DLGAP2: variants seen among roughly 807,000 people sequenced by gnomAD.
DLGAP2 encodes the protein DLG associated protein 2.
Under a neutral mutation model 100.3 loss-of-function variants are expected in DLGAP2, and 26 were observed. The observed-to-expected ratio is 0.26, with a 90% CI of 0.19 to 0.36. The LOEUF (loss-of-function observed/expected upper bound fraction) is 0.36. Ranked by LOEUF, DLGAP2 falls within the 10% of genes least tolerant of loss-of-function variation. The probability of loss-of-function intolerance (pLI) is 1.00; values close to 1 mark genes in which losing one functional copy is unlikely to be tolerated. For synonymous variants in DLGAP2, 886 were observed against 630.1 expected (o/e 1.41, Z -6.08); for missense variants, 1,858 against 1,453.2 (o/e 1.28, Z -4.53).
At chr8:1,077,865 C>G (rs1381879503) in intron 2 of DLGAP2, among the ~76,000 whole-genome samples, 1 of 152,158 alleles carries the variant, frequency 6.6e-6, no homozygotes, top group East Asian at 1.9e-4. Context: ...GAGCTCACAG[C>G]TGTCTCAGCA....
chr8:894,808 T>C (rs1376840002), intron 1 of DLGAP2, among the ~76,000 whole-genome samples: 1 of 21,268 alleles, frequency 4.7e-5, no homozygotes. Context: ...AGCAGAGTGG[T>C]GGCTGGCAGG....
intron 3 of DLGAP2, among the ~76,000 whole-genome samples, chr8:1,269,598 A>G (rs902201776): frequency 6.6e-6 from 1 of 152,134 alleles, no homozygotes; most frequent in Non-Finnish European, 1.5e-5. Context: ...GGTACATCTA[A>G]CAATAATGTT....
chr8:888,920 G>A (rs1009851612), intron 1 of DLGAP2, among the ~76,000 whole-genome samples: 2 of 152,154 alleles, frequency 1.3e-5, no homozygotes, highest in African/African-American at 2.4e-5. Context: ...GGTTTTGTGT[G>A]AGCAATAAAG....
At chr8:1,356,634 A>C (rs1801858812) in intron 3 of DLGAP2, among the ~76,000 whole-genome samples, 1 of 152,196 alleles carries the variant, frequency 6.6e-6, no homozygotes, top group African/African-American at 2.4e-5. Flanking sequence ...GGGAAAACAG[A>C]CAGTGGGATA....
intron 3 of DLGAP2, among the ~76,000 whole-genome samples, chr8:1,285,513 C>G (rs151105629): frequency 6.6e-6 from 1 of 152,106 alleles, no homozygotes; most frequent in Admixed American, 6.5e-5. Flanking sequence ...GTGCAGGTAT[C>G]TGGTATCTGG....
chr8:1,410,085 G>C (rs1053773345), intron 3 of DLGAP2, among the ~76,000 whole-genome samples: 4 of 152,206 alleles, frequency 2.6e-5, no homozygotes, highest in African/African-American at 9.6e-5. Flanking sequence ...CACAAGCCAA[G>C]CGGTGTCCTC....
chr8:1,213,711 C>A (rs550372576), intron 2 of DLGAP2, among the ~76,000 whole-genome samples: 1 of 152,154 alleles, frequency 6.6e-6, no homozygotes, highest in Non-Finnish European at 1.5e-5. Context: ...TCCAAGGGCC[C>A]TCTCCCATCA....
intron 2 of DLGAP2, among the ~76,000 whole-genome samples, chr8:1,064,668 G>A (rs17668166): frequency 2.0e-5 from 3 of 151,890 alleles, no homozygotes; most frequent in South Asian, 2.1e-4. Context: ...TAAAATATTC[G>A]CTGTCAACAC....
chr8:1,508,757 C>A (rs1800045565), intron 4 of DLGAP2, among the ~76,000 whole-genome samples: 2 of 151,184 alleles, frequency 1.3e-5, no homozygotes, highest in African/African-American at 4.9e-5. Context: ...GCGCTGACGG[C>A]GTTCCCTAAA....
At chr8:814,868 A>AG (rs993487011) in intron 1 of DLGAP2, among the ~76,000 whole-genome samples, 7 of 151,406 alleles carry the variant, frequency 4.6e-5, no homozygotes, top group Admixed American at 4.6e-4. Context: ...AAAAAAAAAA[A>AG]AAAAAGAAAT....
chr8:1,538,695 C>T (rs960193302), intron 4 of DLGAP2, among the ~76,000 whole-genome samples: 7 of 152,204 alleles, frequency 4.6e-5, no homozygotes, highest in Non-Finnish European at 7.4e-5. Context: ...TTGGATTGTA[C>T]CATTGTCATT....
Position 1,697,444 on chromosome 8 carries a change from A to G in DLGAP2, c.2949+145A>G. On this transcript the variant is annotated intron_variant, in intron 14 of 14. Coordinates refer to ENST00000637795, the MANE Select transcript of DLGAP2 (RefSeq NM_001346810.2). ...AATTTCCCTCTATGTATGTGTGCAC[A>G]TGTGTATACGCACATGTGTGTGCGT... The G allele has an allele frequency of 2.5e-6, 3 of 1,200,228 alleles. No individual in the cohort carries two copies. The East Asian group carries it at 7.3e-5, about 29-fold the overall frequency. The allele number at this position is 1,200,228 out of a possible 1,614,324, so 74.3% of individuals were successfully genotyped here.
intron 8 of DLGAP2, among the ~76,000 whole-genome samples, chr8:1,643,551 C>A (rs1186465519): frequency 1.1e-3 from 8 of 7,068 alleles, no homozygotes; most frequent in South Asian, 0.013. Context: ...TCACCCTCGA[C>A]CCCGCCGGCC....
At chr8:1,701,068 G>A in intron 14 of DLGAP2, 120 bp from the exon 15 acceptor site, 1 of 868,668 alleles carries the variant, frequency 1.2e-6, no homozygotes, top group Non-Finnish European at 1.8e-6. Flanking sequence ...GGGAGTGAAG[G>A]ATGCGGCCCT....
chr8:1,285,633 A>G (rs958984135), intron 3 of DLGAP2, among the ~76,000 whole-genome samples: 3 of 152,170 alleles, frequency 2.0e-5, no homozygotes, highest in Non-Finnish European at 4.4e-5. Flanking sequence ...GGGGAAAAAA[A>G]GCTTGTTATA....
At position 1,441,860 on chromosome 8, in the gene DLGAP2, T is replaced by A. The variant is rs142538937; in HGVS notation, c.107-59506T>A. On this transcript the variant is annotated intron_variant, in intron 3 of 14. Transcript: ENST00000637795. ...AGGACATGCAGGTTTGTTACGTAGG[T>A]AAACATGCTCCACAGGGTTGCTGCA... Among the ~76,000 whole-genome samples, 476 of 151,774 alleles carry A rather than the reference T, an allele frequency of 3.1e-3. 1 individual carries two copies. Among genetic ancestry groups the A allele is most frequent in the African/African-American group, 0.011 (460 of 41,396 alleles).
intron 3 of DLGAP2, among the ~76,000 whole-genome samples, chr8:1,272,476 T>C (rs1339897775): frequency 2.0e-5 from 3 of 149,298 alleles, no homozygotes; most frequent in African/African-American, 7.3e-5. Flanking sequence ...ATAGAAAACA[T>C]ATATATTACA....
chr8:1,457,246 G>C (rs1373788490), intron 3 of DLGAP2, among the ~76,000 whole-genome samples: 1 of 151,962 alleles, frequency 6.6e-6, no homozygotes, highest in Non-Finnish European at 1.5e-5. Context: ...TAACTCCAAG[G>C]GGTTGTTCTC....
At chr8:1,123,542 G>A (rs1429251256) in intron 2 of DLGAP2, among the ~76,000 whole-genome samples, 1 of 152,146 alleles carries the variant, frequency 6.6e-6, no homozygotes, top group Non-Finnish European at 1.5e-5. Flanking sequence ...AATCATTACA[G>A]TGTCAGATGT....
Sources: allele counts gnomAD v4.1 joint callset (sites outside exome capture counted in the v4.1 genomes callset), GRCh38; gene constraint gnomAD v4.1.1; transcripts MANE v1.5; gene names NCBI Gene and HGNC (gene_info 2026-07-23, HGNC 2026-07-21).